The following FAM153A variants were observed in gnomAD, a reference collection of about 807,000 sequenced individuals.
FAM153A encodes the protein family with sequence similarity 153 member A, also known as protein FAM153A.
Under a neutral mutation model 48.1 loss-of-function variants are expected in FAM153A, and 12 were observed. That is an observed-to-expected ratio of 0.25 (90% CI 0.16 to 0.40). The LOEUF is 0.40. Ranked by LOEUF, FAM153A falls within the 10% of genes least tolerant of loss-of-function variation. The probability of loss-of-function intolerance (pLI) is 1.00; values close to 1 mark genes in which losing one functional copy is unlikely to be tolerated. For synonymous variants in FAM153A, 36 were observed against 118.2 expected (o/e 0.30, Z 4.51); for missense variants, 111 against 345.8 (o/e 0.32, Z 5.38).
intron 16 of FAM153A, among the ~76,000 whole-genome samples, chr5:177,730,598 T>C (rs1245637314): frequency 8.2e-6 from 1 of 122,172 alleles, no homozygotes; most frequent in Non-Finnish European, 1.8e-5. Context: ...AACGATAGTC[T>C]GTGGGATCTG....
the FAM153A span, among the ~76,000 whole-genome samples, chr5:177,702,537 A>C: frequency 4.8e-4 from 73 of 152,056 alleles, no homozygotes; most frequent in Middle Eastern, 3.4e-3. Context: ...CATACGTAAA[A>C]AGGTGCCAAG....
At chr5:177,743,661 GC>G in intron 6 of FAM153A, among the ~76,000 whole-genome samples, 1 of 86,998 alleles carries the variant, frequency 1.1e-5, no homozygotes, top group South Asian at 4.6e-4. Context: ...AAGAAGCCCT[GC>G]CCCACTCTCC....
intron 1 of FAM153A, among the ~76,000 whole-genome samples, chr5:177,759,414 C>T (rs992470783): frequency 2.6e-5 from 4 of 151,744 alleles, no homozygotes; most frequent in Non-Finnish European, 5.9e-5. Flanking sequence ...GTGGCAATTC[C>T]TCAGGGATCT....
downstream of FAM153A, among the ~76,000 whole-genome samples, chr5:177,708,509 G>A (rs1191617350): frequency 1.3e-4 from 19 of 151,516 alleles, no homozygotes; most frequent in East Asian, 5.9e-4. Context: ...CCCGGGAGGC[G>A]GAGGTTGCGG....
intron 24 of FAM153A, among the ~76,000 whole-genome samples, chr5:177,716,759 T>C: frequency 6.6e-6 from 1 of 151,924 alleles, no homozygotes; most frequent in African/African-American, 2.4e-5. Context: ...AACTATCACA[T>C]AACACATTTT....
chr5:177,696,037 C>CT, the FAM153A span, among the ~76,000 whole-genome samples: 1 of 117,040 alleles, frequency 8.5e-6, no homozygotes, highest in African/African-American at 3.5e-5. Context: ...ATGGGGCGGC[C>CT]GGGCAGAGGC....
intron 1 of FAM153A, among the ~76,000 whole-genome samples, chr5:177,768,390 T>C (rs1435982018): frequency 1.3e-5 from 2 of 151,832 alleles, no homozygotes; most frequent in Non-Finnish European, 2.9e-5. Context: ...CCTTCAGCTC[T>C]TCTCTCCTCT....
intron 11 of FAM153A, 60 bp downstream of exon 13, chr5:177,736,982 T>C: frequency 7.6e-7 from 1 of 1,319,746 alleles, no homozygotes; most frequent in Non-Finnish European, 1.0e-6. Context: ...TTAATTCAAT[T>C]GAAACAGAGA....
At chr5:177,779,442 A>G (rs1318780792) in intron 1 of FAM153A, 1 of 113,424 alleles carries the variant, frequency 8.8e-6, no homozygotes, top group African/African-American at 3.1e-5. Context: ...TTCTGCACTC[A>G]GTAGGTATCT....
chr5:177,704,844 C>T (rs78237440), downstream of FAM153A, among the ~76,000 whole-genome samples: 18,246 of 150,994 alleles, frequency 0.12, 1,412 homozygotes, highest in East Asian at 0.33. Context: ...TACTAAAATA[C>T]AAAAAATCAG....
the FAM153A span, among the ~76,000 whole-genome samples, chr5:177,695,202 G>A: frequency 2.1e-5 from 3 of 143,350 alleles, no homozygotes; most frequent in South Asian, 2.4e-4. Context: ...GATTACAGGC[G>A]TGAGCCACTG....
Position 177,769,866 on chromosome 5 carries a change from T to A in FAM153A, c.-57+10583A>T, listed in dbSNP as rs9716918. On this transcript the variant is annotated intron_variant, in intron 1 of 8. Coordinates refer to the FAM153A transcript ENST00000393518. ...GAGAGAAGCTTAAGAAACACCGGCG[T>A]GGTGTGCCAGGCTGCCAGGCAGTAC... Among the ~76,000 whole-genome samples, 11 of 96,766 alleles carry A rather than the reference T, an allele frequency of 1.1e-4. 5 individuals carry two copies. The highest frequency in any genetic ancestry group is 7.5e-4 in the South Asian group (2 of 2,654). 63.5% of individuals were successfully genotyped at this position (96,766 alleles called of 152,430 possible). A position where few individuals can be genotyped will look rare whatever the true frequency, so the allele number is the denominator to read the frequency against.
At chr5:177,725,491 G>A (rs1762231894) in intron 18 of FAM153A, among the ~76,000 whole-genome samples, 1 of 151,168 alleles carries the variant, frequency 6.6e-6, no homozygotes, top group Non-Finnish European at 1.5e-5. Context: ...CAATGGAACA[G>A]AATTCAAGGT....
chr5:177,733,973 G>A (rs1764276991), intron 14 of FAM153A, among the ~76,000 whole-genome samples: 1 of 114,428 alleles, frequency 8.7e-6, no homozygotes, highest in East Asian at 3.0e-4. Flanking sequence ...CACTTTGGAA[G>A]CTTACAAGTT....
chr5:177,781,386 G>C (rs1769649065), upstream of FAM153A, among the ~76,000 whole-genome samples: 1 of 143,360 alleles, frequency 7.0e-6, no homozygotes, highest in African/African-American at 2.6e-5. Context: ...CTCCCAAAGT[G>C]CTGGGATTAC....
At chr5:177,725,115 C>CT (rs1329007360) in intron 18 of FAM153A, among the ~76,000 whole-genome samples, 23 of 65,322 alleles carry the variant, frequency 3.5e-4, no homozygotes, top group African/African-American at 1.0e-3. Flanking sequence ...CAAGAGGCAG[C>CT]GCCCTCTTCA....
the FAM153A span, among the ~76,000 whole-genome samples, chr5:177,696,351 G>A: frequency 4.6e-5 from 7 of 151,204 alleles, no homozygotes; most frequent in East Asian, 1.4e-3. Flanking sequence ...CGGCCGGGCA[G>A]AGGCGCTCCT....
chr5:177,736,606 C>T, exon 12 of FAM153A: 2 of 1,589,860 alleles, frequency 1.3e-6, no homozygotes, highest in Non-Finnish European at 8.5e-7. Context: ...GGGTCCCCCT[C>T]CATCTAGAGA....
upstream of FAM153A, among the ~76,000 whole-genome samples, chr5:177,756,049 T>A (rs1767694446): frequency 6.7e-6 from 1 of 148,736 alleles, no homozygotes; most frequent in African/African-American, 2.5e-5. Context: ...GCAAATTGGA[T>A]AAAGAGTCAA....
Sources: allele counts gnomAD v4.1 joint callset (sites outside exome capture counted in the v4.1 genomes callset), GRCh38; gene constraint gnomAD v4.1.1; transcripts MANE v1.5; gene names NCBI Gene and HGNC (gene_info 2026-07-23, HGNC 2026-07-21).